Variants in HNRNPLL observed in about 807,000 individuals in gnomAD.
The protein encoded by HNRNPLL is heterogeneous nuclear ribonucleoprotein L like.
HNRNPLL carries 25 observed loss-of-function variants against 67.1 expected under a neutral mutation model. The observed-to-expected ratio is 0.37, with a 90% confidence interval of 0.27 to 0.52. The LOEUF is 0.52. Ranked by LOEUF, HNRNPLL falls within the 20% of genes least tolerant of loss-of-function variation. The probability of loss-of-function intolerance (pLI) is 0.90; values close to 1 mark genes in which losing one functional copy is unlikely to be tolerated. For missense variants in HNRNPLL, 542 were observed against 673.9 expected, an observed-to-expected ratio of 0.80 and a Z score of 2.17; for synonymous variants, 267 against 241.7, an observed-to-expected ratio of 1.10 and a Z score of -0.97.
At chr2:38,578,447 T>C (rs1450418620) in intron 6 of HNRNPLL, among the ~76,000 whole-genome samples, 1 of 152,126 alleles carries the variant, frequency 6.6e-6, no homozygotes, top group Non-Finnish European at 1.5e-5. Flanking sequence ...TTTAAAAATA[T>C]GTATCTCAAG....
chr2:38,581,861 A>G (rs1366955941), intron 6 of HNRNPLL, 52 bp downstream of exon 6: 2 of 1,165,586 alleles, frequency 1.7e-6, no homozygotes, highest in Non-Finnish European at 2.6e-6. Context: ...CTAACTGCAT[A>G]TAAAAATTTG....
At chr2:38,584,331 G>C (rs1666644852) in intron 3 of HNRNPLL, among the ~76,000 whole-genome samples, 1 of 152,144 alleles carries the variant, frequency 6.6e-6, no homozygotes, top group South Asian at 2.1e-4. Flanking sequence ...AAAGAACTAA[G>C]ATTATAGGTA....
intron 12 of HNRNPLL, among the ~76,000 whole-genome samples, chr2:38,567,663 G>C (rs1287047618): frequency 6.6e-6 from 1 of 152,116 alleles, no homozygotes; most frequent in Non-Finnish European, 1.5e-5. Flanking sequence ...TACACTCACT[G>C]TACTGTTTGG....
chr2:38,572,475 C>T (rs975349205), intron 8 of HNRNPLL, among the ~76,000 whole-genome samples: 2 of 152,046 alleles, frequency 1.3e-5, no homozygotes, highest in Non-Finnish European at 2.9e-5. Context: ...CTCAAATTAG[C>T]AAGTGTTTTT....
At chr2:38,584,241 T>G (rs932948582) in intron 3 of HNRNPLL, among the ~76,000 whole-genome samples, 1 of 152,154 alleles carries the variant, frequency 6.6e-6, no homozygotes, top group African/African-American at 2.4e-5. Context: ...TTTTCGTTTT[T>G]TGTAGAGACA....
intron 1 of HNRNPLL, 175 bp downstream of exon 1, chr2:38,602,263 A>C: frequency 1.7e-6 from 1 of 595,224 alleles, no homozygotes; most frequent in Non-Finnish European, 2.8e-6. Flanking sequence ...CGCAGTCGGG[A>C]TGCGGGAAAC....
intron 2 of HNRNPLL, among the ~76,000 whole-genome samples, chr2:38,591,017 G>C (rs1666940193): frequency 6.6e-6 from 1 of 151,960 alleles, no homozygotes; most frequent in Non-Finnish European, 1.5e-5. Context: ...AAAATAAAAA[G>C]AACTCAGCAA....
intron 7 of HNRNPLL, among the ~76,000 whole-genome samples, chr2:38,575,454 T>C (rs1312393216): frequency 6.6e-6 from 1 of 151,790 alleles, no homozygotes; most frequent in African/African-American, 2.4e-5. Context: ...ATACACAAAC[T>C]CTTCTTGAGC....
chr2:38,594,320 A>G (rs762915391), intron 1 of HNRNPLL, among the ~76,000 whole-genome samples: 1 of 152,230 alleles, frequency 6.6e-6, no homozygotes, highest in African/African-American at 2.4e-5. Context: ...GGTTAACATA[A>G]TAGAATTAAT....
chr2:38,593,011 A>T (rs1037975876), intron 1 of HNRNPLL, among the ~76,000 whole-genome samples: 7 of 152,248 alleles, frequency 4.6e-5, no homozygotes, highest in African/African-American at 1.7e-4. Context: ...TTATGTCACA[A>T]CTGAAAGAAA....
At chr2:38,594,054 A>C (rs1667075829) in intron 1 of HNRNPLL, among the ~76,000 whole-genome samples, 1 of 150,750 alleles carries the variant, frequency 6.6e-6, no homozygotes, top group African/African-American at 2.4e-5. Context: ...AGGTGCCTGT[A>C]GTACCAGCTA....
At chr2:38,570,159 T>C (rs1666015252) in intron 8 of HNRNPLL, among the ~76,000 whole-genome samples, 1 of 152,198 alleles carries the variant, frequency 6.6e-6, no homozygotes, top group Admixed American at 6.5e-5. Flanking sequence ...CTAACTCTGT[T>C]ATGTATTAAT....
At chr2:38,577,402 G>A in intron 7 of HNRNPLL, 59 bp downstream of exon 7, 2 of 1,051,788 alleles carry the variant, frequency 1.9e-6, no homozygotes, top group Non-Finnish European at 3.0e-6. Context: ...TACTTCATCA[G>A]AAATGCAGCA....
rs1665936309 is a variant in HNRNPLL, at chr2:38,567,974, G to A, written c.1573+225C>T. On this transcript the variant is annotated intron_variant, in intron 12 of 12. Coordinates refer to ENST00000449105, the MANE Select transcript of HNRNPLL (RefSeq NM_138394.4). Reference sequence around the variant, plus strand: ...AATGCACCCAAAATACTAACCCTCAGAAACAGTAAGATAATAAATGTTTGC... The same window carrying A: ...AATGCACCCAAAATACTAACCCTCAAAAACAGTAAGATAATAAATGTTTGC... The A allele has an allele frequency of 2.0e-5, 8 of 399,612 alleles. No individual in the cohort carries two copies. The South Asian group carries it at 3.0e-4, about 15-fold the overall frequency. The allele number at this position is 399,612 out of a possible 1,614,324, so 24.8% of individuals were successfully genotyped here. A position where few individuals can be genotyped will look rare whatever the true frequency, so the allele number is the denominator to read the frequency against.
chr2:38,594,912 C>T (rs544416617), intron 1 of HNRNPLL, among the ~76,000 whole-genome samples: 11 of 151,992 alleles, frequency 7.2e-5, no homozygotes, highest in Non-Finnish European at 1.5e-4. Context: ...TCATTGTACT[C>T]CAGCCTGGGC....
At chr2:38,572,574 G>A (rs913754244) in intron 8 of HNRNPLL, among the ~76,000 whole-genome samples, 5 of 151,972 alleles carry the variant, frequency 3.3e-5, no homozygotes, top group African/African-American at 1.2e-4. Flanking sequence ...TCACATTTGT[G>A]AGGTATCAAT....
intron 6 of HNRNPLL, chr2:38,577,961 G>C (rs750952465): frequency 2.1e-6 from 1 of 471,312 alleles, no homozygotes; most frequent in Middle Eastern, 3.3e-4. Context: ...CATTTTCAAA[G>C]TGGGCTTCTT....
intron 7 of HNRNPLL, 63 bp downstream of exon 7, chr2:38,577,398 A>T: frequency 9.9e-7 from 1 of 1,014,324 alleles, no homozygotes; most frequent in South Asian, 1.3e-5. Flanking sequence ...GCCATACTTC[A>T]TCAGAAATGC....
At chr2:38,566,937 TG>T (rs540787794) in intron 12 of HNRNPLL, among the ~76,000 whole-genome samples, 1 of 151,762 alleles carries the variant, frequency 6.6e-6, no homozygotes. Flanking sequence ...TGTTCATCAG[TG>T]GGGGGACGGG....
Sources: allele counts gnomAD v4.1 joint callset (sites outside exome capture counted in the v4.1 genomes callset), GRCh38; gene constraint gnomAD v4.1.1; transcripts MANE v1.5; gene names NCBI Gene and HGNC (gene_info 2026-07-23, HGNC 2026-07-21).